RPS7: variants seen among roughly 807,000 people sequenced by gnomAD.
RPS7 encodes the protein small ribosomal subunit protein eS7.
RPS7 carries 1 observed loss-of-function variant against 22.1 expected under a neutral mutation model. The ratio of observed to expected loss-of-function variants is 0.05; its 90% CI spans 0.02 to 0.21. RPS7 has a LOEUF of 0.21. Among genes scored for constraint, RPS7 ranks in the 10% least tolerant of loss-of-function variants. The pLI, the probability that RPS7 is intolerant of heterozygous loss-of-function variation, is 1.00. For synonymous variants in RPS7, 80 were observed against 92.0 expected, an observed-to-expected ratio of 0.87 and a Z score of 0.74; for missense variants, 137 against 246.4, an observed-to-expected ratio of 0.56 and a Z score of 2.97.
chr2:3,579,651 T>TCG, intron 5 of RPS7: 1 of 194,246 alleles, frequency 5.1e-6, no homozygotes, highest in Admixed American at 5.3e-5. Context: ...CTGGCAGTTC[T>TCG]GTGATGCTAA....
At chr2:3,580,721 C>A in intron 6 of RPS7, 84 bp from the exon 7 acceptor site, 1 of 860,706 alleles carries the variant, frequency 1.2e-6, no homozygotes, top group Non-Finnish European at 2.0e-6. Context: ...AAAAACAATA[C>A]AGGGCACAAT....
intron 4 of RPS7, chr2:3,576,889 T>C (rs556311894): frequency 5.8e-6 from 3 of 515,110 alleles, no homozygotes; most frequent in African/African-American, 5.8e-5. Context: ...AAAATAAGTT[T>C]TAAAAAGAAA....
intron 4 of RPS7, chr2:3,576,860 C>T (rs1661291708): frequency 1.6e-6 from 1 of 608,814 alleles, no homozygotes; most frequent in Non-Finnish European, 3.0e-6. Context: ...TGGTAAGACC[C>T]TGTCTACAAA....
intron 6 of RPS7, chr2:3,580,489 C>G (rs1558473941): frequency 3.1e-6 from 2 of 649,120 alleles, no homozygotes; most frequent in African/African-American, 3.6e-5. Flanking sequence ...TAGACTCTTT[C>G]TGTGGTCTTT....
chr2:3,577,990 G>A (rs556354465), intron 5 of RPS7: 43 of 577,198 alleles, frequency 7.4e-5, no homozygotes, highest in Middle Eastern at 4.6e-4. Flanking sequence ...GGTCAGTGCT[G>A]TCACAAGATG....
intron 3 of RPS7, chr2:3,576,157 C>G (rs918993830): frequency 1.7e-6 from 1 of 595,996 alleles, no homozygotes; most frequent in East Asian, 2.8e-5. Context: ...CTTATTTGCC[C>G]TTACTTAGTT....
intron 5 of RPS7, 153 bp from the exon 6 acceptor site, chr2:3,579,957 C>T (rs972578752): frequency 3.0e-5 from 23 of 757,926 alleles, no homozygotes; most frequent in East Asian, 9.8e-5. Context: ...TAGTTTGGTA[C>T]GTGAAATATA....
At chr2:3,579,042 T>G (rs1217595736) in intron 5 of RPS7, 2 of 152,202 alleles carry the variant, frequency 1.3e-5, no homozygotes, top group Non-Finnish European at 2.9e-5. Context: ...ATGCTGAAAT[T>G]GATAGTTTTT....
At chr2:3,576,372 ATTAG>A (rs1558472332) in intron 3 of RPS7, 111 bp from the exon 4 acceptor site, 2 of 883,430 alleles carry the variant, frequency 2.3e-6, no homozygotes, top group South Asian at 1.3e-5. Flanking sequence ...CAAAACTAGT[ATTAG>A]TTTGTAGTGC....
In RPS7 at chr2:3,576,062, G is replaced by A. The variant is rs1034659955; in HGVS notation, c.147+174G>A. The A allele has an allele frequency of 5.3e-5, 35 of 662,350 alleles. No individual in the cohort carries two copies. The East Asian group carries it at 7.6e-4, about 14-fold the overall frequency. 41.0% of individuals were successfully genotyped at this position (662,350 alleles called of 1,614,324 possible). ...GATACCGCCCAGGTGCGGGGAGTGG[G>A]GTTGCAGGTACCCTGCGGCTTAAGC... On this transcript the variant is annotated intron_variant, in intron 3 of 6. Coordinates refer to ENST00000645674, the MANE Select transcript of RPS7 (RefSeq NM_001011.4).
intron 5 of RPS7, chr2:3,578,835 G>C (rs1024365569): frequency 6.6e-6 from 1 of 152,154 alleles, no homozygotes; most frequent in Non-Finnish European, 1.5e-5. Flanking sequence ...GTTTCCCTCA[G>C]TACAAACCTC....
chr2:3,575,363 C>T lies in RPS7; in HGVS notation c.-19+13C>T, dbSNP rs530845583. Reference sequence around the variant, plus strand: ...GGCGCTCGGCAAGGTAGGTTGGCGGCCTGCTCTCCGACAGAACTTTTCTTC... The same window carrying T: ...GGCGCTCGGCAAGGTAGGTTGGCGGTCTGCTCTCCGACAGAACTTTTCTTC... On this transcript the variant is annotated intron_variant, in intron 1 of 6. Transcript: ENST00000645674. The T allele has an allele frequency of 4.2e-5, 23 of 549,332 alleles. No homozygotes were observed. The South Asian group carries it at 4.5e-4, about 11-fold the overall frequency. 34.0% of individuals were successfully genotyped at this position (549,332 alleles called of 1,614,324 possible).
Position 3,576,471 on chromosome 2 carries a change from T to C in RPS7, c.148-16T>C. 6.2e-7 allele frequency: 1 copy of C among 1,612,778 alleles called. No individual in the cohort carries two copies. Among genetic ancestry groups the C allele is most frequent in the Non-Finnish European group, 8.5e-7 (1 of 1,178,846 alleles). ...CTGAAGCAGTTAACACAGTGGATTTTTGTTTTTTTCTTTAGGAAATTGAAG... is the reference window on the plus strand; with the variant it reads ...CTGAAGCAGTTAACACAGTGGATTTCTGTTTTTTTCTTTAGGAAATTGAAG... On this transcript the variant is annotated splice_polypyrimidine_tract_variant and intron_variant, in intron 3 of 6. Coordinates refer to ENST00000645674, the MANE Select transcript of RPS7 (RefSeq NM_001011.4).
chr2:3,575,723 G>C (rs1661259472), intron 2 of RPS7, 39 bp downstream of exon 2: 2 of 1,590,416 alleles, frequency 1.3e-6, no homozygotes, highest in Non-Finnish European at 1.7e-6. Flanking sequence ...GGGGGGAGGC[G>C]CCCCGCCCGG....
At chr2:3,575,404 C>T (rs1661251963) in intron 1 of RPS7, 54 bp downstream of exon 1, 3 of 582,910 alleles carry the variant, frequency 5.1e-6, no homozygotes, top group Non-Finnish European at 9.1e-6. Flanking sequence ...TTGAGGAAAA[C>T]GCCTTTTGGA....
At chr2:3,580,747 G>A in intron 6 of RPS7, 58 bp from the exon 7 acceptor site, 12 of 1,062,370 alleles carry the variant, frequency 1.1e-5, no homozygotes, top group Non-Finnish European at 1.8e-5. Flanking sequence ...GAAACTATTA[G>A]GTTTTAAGCT....
chr2:3,575,560 G>C (rs923872846), intron 1 of RPS7, 32 bp from the exon 2 acceptor site: 4 of 1,530,400 alleles, frequency 2.6e-6, no homozygotes, highest in Non-Finnish European at 3.6e-6. Flanking sequence ...CCTGCAGCCC[G>C]GGCCGCGTAA....
chr2:3,577,052 C>G (rs904163700), intron 4 of RPS7: 2 of 273,380 alleles, frequency 7.3e-6, no homozygotes, highest in African/African-American at 4.5e-5. Flanking sequence ...AAACCTGTTA[C>G]AGGCCGGGCC....
At chr2:3,575,399 G>C in intron 1 of RPS7, 49 bp downstream of exon 1, 2 of 581,738 alleles carry the variant, frequency 3.4e-6, no homozygotes, top group South Asian at 4.1e-5. Flanking sequence ...TTGGGTTGAG[G>C]AAAACGCCTT....
Sources: gnomAD v4.1 joint callset for allele counts on GRCh38, gnomAD v4.1.1 for gene constraint, MANE v1.5 for transcripts, NCBI Gene and HGNC (gene_info 2026-07-23, HGNC 2026-07-21) for gene names.